The following PHF14 variants were observed in gnomAD, a reference collection of about 807,000 sequenced individuals.
PHF14 encodes PHD finger protein 14.
A neutral mutation model predicts 117.9 loss-of-function variants in PHF14; 55 were observed. That is an observed-to-expected ratio of 0.47 (90% CI 0.38 to 0.58). The LOEUF (loss-of-function observed/expected upper bound fraction) is 0.58, where lower values mean the gene tolerates loss of function less well. PHF14 is among the 20% of genes least tolerant of loss of function. The pLI is 0.00. For missense variants in PHF14, 978 were observed against 1,122.2 expected, an observed-to-expected ratio of 0.87 and a Z score of 1.84; for synonymous variants, 409 against 368.6, an observed-to-expected ratio of 1.11 and a Z score of -1.26.
chr7:10,974,291 G>C lies in PHF14; in HGVS notation c.-33G>C. The C allele has an allele frequency of 6.3e-7, 1 of 1,582,020 alleles. No individual in the cohort carries two copies. Among genetic ancestry groups the C allele is most frequent in the Non-Finnish European group, 8.6e-7 (1 of 1,162,668 alleles). The stretch of plus-strand genomic sequence containing the variant: ...CTGGGCTCCTGCAGCCTCTCCCTAA[G>C]TCTTCTCCAAACGACCACCTCACGG... On this transcript the variant is annotated 5_prime_UTR_variant, in exon 1 of 18. Transcript: ENST00000634607.
chr7:11,025,449 C>A (rs1583382522), intron 6 of PHF14, among the ~76,000 whole-genome samples: 1 of 152,284 alleles, frequency 6.6e-6, no homozygotes, highest in East Asian at 1.9e-4. Context: ...ACAGAGAAAT[C>A]TTTCATAAAA....
intron 2 of PHF14, 52 bp downstream of exon 2, chr7:10,974,997 AT>A (rs1781811927): frequency 2.1e-5 from 19 of 899,128 alleles, no homozygotes; most frequent in Non-Finnish European, 3.3e-5. Flanking sequence ...AGTTAGGCTT[AT>A]TTTTAGACTT....
chr7:11,021,262 C>G (rs1389883431), intron 5 of PHF14, among the ~76,000 whole-genome samples: 1 of 151,800 alleles, frequency 6.6e-6, no homozygotes, highest in Non-Finnish European at 1.5e-5. Context: ...CATAATAGCT[C>G]CAAGCAAAAT....
intron 17 of PHF14, among the ~76,000 whole-genome samples, chr7:11,111,936 C>A (rs964169747): frequency 1.3e-5 from 2 of 150,078 alleles, no homozygotes; most frequent in Admixed American, 6.6e-5. Flanking sequence ...GTTTTCATAT[C>A]CTAAATCTTA....
chr7:11,062,598 C>G (rs1472003584), intron 16 of PHF14: 1 of 645,548 alleles, frequency 1.5e-6, no homozygotes, highest in Non-Finnish European at 1.9e-6. Context: ...AAAAGATGGC[C>G]TAGGTTGATT....
intron 4 of PHF14, among the ~76,000 whole-genome samples, chr7:11,012,020 A>G (rs950337498): frequency 5.9e-5 from 9 of 152,264 alleles, no homozygotes; most frequent in African/African-American, 2.2e-4. Context: ...TGAGAAAGTT[A>G]TTTATGATTA....
chr7:11,020,906 A>G (rs1311816090), intron 5 of PHF14, among the ~76,000 whole-genome samples: 1 of 152,132 alleles, frequency 6.6e-6, no homozygotes, highest in African/African-American at 2.4e-5. Context: ...CTTCACATAC[A>G]TCTTTATAAC....
intron 5 of PHF14, among the ~76,000 whole-genome samples, chr7:11,018,426 A>T (rs1199048785): frequency 6.6e-6 from 1 of 151,928 alleles, no homozygotes. Flanking sequence ...AATTTCTTTC[A>T]TCAGTGTTTT....
At chr7:11,134,728 TATCGTA>T (rs1788171302) in intron 17 of PHF14, among the ~76,000 whole-genome samples, 1 of 152,046 alleles carries the variant, frequency 6.6e-6, no homozygotes, top group East Asian at 1.9e-4. Flanking sequence ...CTTCAGAAAT[TATCGTA>T]ATCTTGTCAT....
At chr7:11,087,378 G>GAC (rs1489809775) in intron 16 of PHF14, among the ~76,000 whole-genome samples, 2 of 151,998 alleles carry the variant, frequency 1.3e-5, no homozygotes, top group Admixed American at 1.3e-4. Context: ...TTTTAGTAGA[G>GAC]ACGGGGTATC....
Position 10,987,098 on chromosome 7 carries a change from C to T in PHF14, c.901-3605C>T, listed in dbSNP as rs537167257. 2.6e-5 allele frequency among the ~76,000 whole-genome samples: 4 copies of T among 152,094 alleles called. No homozygotes were observed. In the South Asian group the frequency reaches 8.3e-4, roughly 32 times the overall value. ...TGTTTTGCCAAAATTTATAAATATC[C>T]ACTTCTATTTGGGACTTCTAACTTA... On this transcript the variant is annotated intron_variant, in intron 3 of 17. Coordinates refer to ENST00000634607, the MANE Select transcript of PHF14 (RefSeq NM_001007157.2).
At chr7:11,069,818 C>T (rs1666278156) in intron 16 of PHF14, among the ~76,000 whole-genome samples, 1 of 151,412 alleles carries the variant, frequency 6.6e-6, no homozygotes, top group South Asian at 2.1e-4. Context: ...TTGGTATTAC[C>T]ACCACACCAC....
At chr7:11,068,991 T>G (rs1233831024) in intron 16 of PHF14, among the ~76,000 whole-genome samples, 1 of 152,158 alleles carries the variant, frequency 6.6e-6, no homozygotes, top group African/African-American at 2.4e-5. Context: ...ATTGTATAGG[T>G]TATCTTTAAA....
intron 16 of PHF14, among the ~76,000 whole-genome samples, chr7:11,076,995 C>T (rs933258536): frequency 1.3e-5 from 2 of 151,184 alleles, no homozygotes; most frequent in Non-Finnish European, 2.9e-5. Flanking sequence ...TGTATGTGCA[C>T]ATATTAAAAT....
chr7:11,022,542 T>TGAATAGTAGTTTTATGC (rs1214222220), intron 5 of PHF14, among the ~76,000 whole-genome samples: 1 of 152,148 alleles, frequency 6.6e-6, no homozygotes, highest in African/African-American at 2.4e-5. Flanking sequence ...TTGTTTCATT[T>TGAATAGTAGTTTTATGC]GAATAGTAGT....
At chr7:11,073,028 G>C (rs555848434) in intron 16 of PHF14, among the ~76,000 whole-genome samples, 1 of 152,282 alleles carries the variant, frequency 6.6e-6, no homozygotes, top group East Asian at 1.9e-4. Context: ...CAATATTGGA[G>C]ATCACATTTC....
At chr7:11,102,417 T>C in intron 16 of PHF14, 2 of 1,552,410 alleles carry the variant, frequency 1.3e-6, no homozygotes, top group Non-Finnish European at 8.8e-7. Flanking sequence ...GTATGTTTCA[T>C]AAGACATAGT....
intron 16 of PHF14, among the ~76,000 whole-genome samples, chr7:11,091,499 T>A (rs2906549): frequency 0.48 from 72,336 of 151,994 alleles, 17,841 homozygotes; most frequent in East Asian, 0.85. Flanking sequence ...CTCACGCCTG[T>A]AACCCCAGCA....
At chr7:11,013,150 T>C (rs1783411025) in intron 4 of PHF14, among the ~76,000 whole-genome samples, 1 of 152,054 alleles carries the variant, frequency 6.6e-6, no homozygotes, top group Non-Finnish European at 1.5e-5. Context: ...CAACTTGTAT[T>C]TTTTATATTT....
Sources: gnomAD v4.1 joint callset for allele counts (sites outside exome capture counted in the v4.1 genomes callset) on GRCh38, gnomAD v4.1.1 for gene constraint, MANE v1.5 for transcripts, NCBI Gene and HGNC (gene_info 2026-07-23, HGNC 2026-07-21) for gene names.